C1orf159: variants seen among roughly 807,000 people sequenced by gnomAD.
C1orf159 encodes chromosome 1 open reading frame 159.
Under a neutral mutation model 25.6 loss-of-function variants are expected in C1orf159, and 19 were observed. That is an observed-to-expected ratio of 0.74 (90% confidence interval 0.52 to 1.09). The LOEUF (loss-of-function observed/expected upper bound fraction) is 1.09, where lower values mean the gene tolerates loss of function less well. C1orf159 is among the 50% of genes least tolerant of loss of function. C1orf159 has a pLI of 0.00. For missense variants in C1orf159, 274 were observed against 290.6 expected (o/e 0.94, Z 0.42); for synonymous variants, 139 against 124.7 (o/e 1.12, Z -0.77).
At position 1,094,194 on chromosome 1, in the gene C1orf159, C is replaced by T. The variant is rs948371322; in HGVS notation, c.-135-2091G>A. Among the ~76,000 whole-genome samples the T allele has an allele frequency of 6.0e-5, 9 of 150,338 alleles. No homozygotes were observed. In the East Asian group the frequency reaches 1.8e-3, roughly 30 times the overall value. On this transcript the variant is annotated intron_variant, in intron 1 of 9. Coordinates refer to ENST00000421241, the MANE Select transcript of C1orf159 (RefSeq NM_017891.5). ...CTCACTGCAGCCTTGACCTCCAGGG[C>T]TTACGCGATACTCCTACATCAGCCT...
chr1:1,112,244 G>A (rs552746743), intron 1 of C1orf159, among the ~76,000 whole-genome samples: 189 of 152,366 alleles, frequency 1.2e-3, no homozygotes, highest in Non-Finnish European at 1.8e-3. Flanking sequence ...TACGATCTCA[G>A]GAACTGGGCG....
At chr1:1,107,878 C>T (rs186782213) in intron 1 of C1orf159, among the ~76,000 whole-genome samples, 143 of 152,284 alleles carry the variant, frequency 9.4e-4, no homozygotes, top group Non-Finnish European at 1.3e-3. Context: ...ACTCCTGAAG[C>T]CAGTGAGACC....
intron 1 of C1orf159, among the ~76,000 whole-genome samples, chr1:1,100,405 A>G (rs1007017182): frequency 6.6e-6 from 1 of 152,174 alleles, no homozygotes; most frequent in Non-Finnish European, 1.5e-5. Context: ...GCAGTTAAGT[A>G]CAAGGAGTTG....
intron 1 of C1orf159, among the ~76,000 whole-genome samples, chr1:1,108,002 T>G (rs1646199406): frequency 6.6e-6 from 1 of 152,256 alleles, no homozygotes; most frequent in Non-Finnish European, 1.5e-5. Context: ...TGCGGCTTCA[T>G]TCTTGAAGTC....
intron 1 of C1orf159, among the ~76,000 whole-genome samples, chr1:1,108,659 C>T (rs71628938): frequency 1.4e-4 from 10 of 73,164 alleles, no homozygotes; most frequent in African/African-American, 5.0e-4. Flanking sequence ...CACCATGTCT[C>T]GGCAGCACCG....
At chr1:1,096,360 G>T (rs1457737598) in intron 1 of C1orf159, among the ~76,000 whole-genome samples, 2 of 151,772 alleles carry the variant, frequency 1.3e-5, no homozygotes, top group African/African-American at 4.8e-5. Context: ...TGTACACAGG[G>T]TCTCACTATA....
At chr1:1,104,024 G>A (rs1245371049) in intron 1 of C1orf159, among the ~76,000 whole-genome samples, 1 of 151,662 alleles carries the variant, frequency 6.6e-6, no homozygotes. Context: ...GTCTCGCTCT[G>A]TCACCCAGGC....
chr1:1,093,771 T>C (rs1336327225), intron 1 of C1orf159, among the ~76,000 whole-genome samples: 1 of 152,200 alleles, frequency 6.6e-6, no homozygotes, highest in African/African-American at 2.4e-5. Flanking sequence ...CTGGCACATG[T>C]CATCATGTGG....
chr1:1,099,601 G>A (rs1570323407), intron 1 of C1orf159, among the ~76,000 whole-genome samples: 5 of 138,026 alleles, frequency 3.6e-5, no homozygotes, highest in South Asian at 2.3e-4. Flanking sequence ...GTCTATTGAT[G>A]TTTTTGGTCT....
intron 1 of C1orf159, among the ~76,000 whole-genome samples, chr1:1,111,399 G>T (rs2100778995): frequency 6.6e-6 from 1 of 151,774 alleles, no homozygotes; most frequent in East Asian, 1.9e-4. Flanking sequence ...GCTGGGCTTG[G>T]TGACGTATAC....
In C1orf159 at chr1:1,089,687, C is replaced by G. The variant is rs749868408; in HGVS notation, c.148+666G>C. Among the ~76,000 whole-genome samples the G allele has an allele frequency of 1.6e-4, 25 of 152,166 alleles. No individual in the cohort carries two copies. The highest frequency in any genetic ancestry group is 2.9e-4 in the Non-Finnish European group (20 of 68,018). On this transcript the variant is annotated intron_variant, in intron 4 of 9. Transcript: ENST00000421241. The surrounding 1 kb of genome is among the most constrained non-coding windows in gnomAD (Gnocchi z 7.5). ...GACCCCCAGGATGGGAGTGCCAAGG[C>G]CCTTGGAGGTACAGCTGGGGCATCT...
At position 1,084,470 on chromosome 1, in the gene C1orf159, G is replaced by A. The variant is rs1390569861; in HGVS notation, c.471+11C>T. 1.3e-6 allele frequency: 2 copies of A among 1,566,186 alleles called. No individual in the cohort carries two copies. The highest frequency in any genetic ancestry group is 1.2e-5 in the South Asian group (1 of 85,570). ...CAGGGACGCTCAGCCCGGATGATGTGGGTTACTTACGGCTTCGCCAGGCTG... is the reference window on the plus strand; with the variant it reads ...CAGGGACGCTCAGCCCGGATGATGTAGGTTACTTACGGCTTCGCCAGGCTG... On this transcript the variant is annotated intron_variant, in intron 8 of 9. Transcript: ENST00000421241.
intron 1 of C1orf159, among the ~76,000 whole-genome samples, chr1:1,111,532 TCAACAA>T (rs1049939403): frequency 6.6e-6 from 1 of 152,206 alleles, no homozygotes; most frequent in East Asian, 1.9e-4. Flanking sequence ...AGACCCCGTC[TCAACAA>T]CAACAACAAA....
intron 3 of C1orf159, chr1:1,091,012 A>G: frequency 6.6e-7 from 1 of 1,517,752 alleles, no homozygotes; most frequent in Non-Finnish European, 8.9e-7. Context: ...GAGGGCGTCC[A>G]GGGGTGACTG....
At chr1:1,093,532 C>T (rs1316448469) in intron 1 of C1orf159, among the ~76,000 whole-genome samples, 1 of 152,258 alleles carries the variant, frequency 6.6e-6, no homozygotes, top group Non-Finnish European at 1.5e-5. Flanking sequence ...CTCCCGGCAG[C>T]CAGGAGCTGA....
rs1270660832 is a variant in C1orf159 at position 1,091,487 on chromosome 1, C to T, written c.57G>A (p.Lys19=). 2 of 1,550,220 alleles carry T rather than the reference C, an allele frequency of 1.3e-6. No individual in the cohort carries two copies. Among genetic ancestry groups the T allele is most frequent in the African/African-American group, 2.7e-5 (2 of 73,014 alleles). Residue 19 remains lysine, a synonymous_variant, in exon 3 of 10, where the codon AAG becomes AAA. Transcript: ENST00000421241. Reference sequence around the variant, plus strand: ...GGGCACCTACCGTGTTCTCCATGGACTTGCTGGCGACTCCCACGAGAAGGC... The same window carrying T: ...GGGCACCTACCGTGTTCTCCATGGATTTGCTGGCGACTCCCACGAGAAGGC... ...LAGLLVGVAS[K]SMENTAQLPE... is the part of the protein sequence containing the mutation.
At chr1:1,092,705 C>A (rs1350074269) in intron 1 of C1orf159, 1 of 152,402 alleles carries the variant, frequency 6.6e-6, no homozygotes, top group Non-Finnish European at 1.5e-5. Flanking sequence ...CAGGGACGGT[C>A]CACTCTCCGC....
chr1:1,091,455 G>T lies in C1orf159; in HGVS notation c.72+17C>A, dbSNP rs979250413. 3.2e-6 allele frequency: 5 copies of T among 1,549,514 alleles called. No homozygotes were observed. Among genetic ancestry groups the T allele is most frequent in the Non-Finnish European group, 4.4e-6 (5 of 1,146,240 alleles). On this transcript the variant is annotated intron_variant, in intron 3 of 9. Coordinates refer to ENST00000421241, the MANE Select transcript of C1orf159 (RefSeq NM_017891.5). Reference sequence around the variant, plus strand: ...GCTCTGGCTTAGGCCGCGTGGACACGTGAGGGGGGCACCTACCGTGTTCTC... The same window carrying T: ...GCTCTGGCTTAGGCCGCGTGGACACTTGAGGGGGGCACCTACCGTGTTCTC...
At position 1,110,931 on chromosome 1, in the gene C1orf159, C is replaced by A. The variant is rs946648358; in HGVS notation, c.-136+5129G>T. ...AAATCACAGCAGCGCTCCTGTCTGG[C>A]GCGGCAGGCGGGCGCTGGAGCAGCC... is the stretch of plus-strand genomic sequence containing the variant. On this transcript the variant is annotated intron_variant, in intron 1 of 9. Transcript: ENST00000421241. This position sits in a 1 kb window ranked among gnomAD's most constrained non-coding sequence, Gnocchi z 4.8. Among the ~76,000 whole-genome samples, 1 of 152,228 alleles carries A rather than the reference C, an allele frequency of 6.6e-6. No homozygotes were observed. The highest frequency in any genetic ancestry group is 1.5e-5 in the Non-Finnish European group (1 of 68,040).
Sources: gnomAD v4.1 joint callset for allele counts (sites outside exome capture counted in the v4.1 genomes callset) on GRCh38, gnomAD v4.1.1 for gene constraint, Gnocchi (gnomAD v3.1) non-coding constraint, MANE v1.5 for transcripts, NCBI Gene and HGNC (gene_info 2026-07-23, HGNC 2026-07-21) for gene names.